The following NEBL variants were observed in gnomAD, a reference collection of about 807,000 sequenced individuals.
NEBL encodes LIM and SH3 protein 2.
Under a neutral mutation model 140.2 loss-of-function variants are expected in NEBL, and 122 were observed. The ratio of observed to expected loss-of-function variants is 0.87; its 90% CI spans 0.75 to 1.01. The LOEUF is 1.01. Among genes scored for constraint, NEBL ranks in the 50% least tolerant of loss-of-function variants. The probability of loss-of-function intolerance (pLI) is 0.00; values close to 1 mark genes in which losing one functional copy is unlikely to be tolerated. For missense variants in NEBL, 1,365 were observed against 1,231.3 expected (o/e 1.11, Z -1.62); for synonymous variants, 436 against 398.9 (o/e 1.09, Z -1.11).
Position 20,785,624 on chromosome 10 carries a change from T to A in NEBL, c.*123A>T. 8.8e-7 allele frequency: 1 copy of A among 1,140,926 alleles called. No homozygotes were observed. Among genetic ancestry groups the A allele is most frequent in the East Asian group, 2.6e-5 (1 of 38,928 alleles). 70.7% of individuals were successfully genotyped at this position (1,140,926 alleles called of 1,614,324 possible). ...TCTTCCTGGTACCTGTGTGTCTAAT[T>A]GTCAAAGGAAGGATACATCATTGTA... On this transcript the variant is annotated 3_prime_UTR_variant, in exon 28 of 28. Coordinates refer to ENST00000377122, the MANE Select transcript of NEBL (RefSeq NM_006393.3).
chr10:21,057,275 T>A (rs954353037), intron 2 of NEBL, among the ~76,000 whole-genome samples: 10 of 152,134 alleles, frequency 6.6e-5, no homozygotes, highest in Non-Finnish European at 1.3e-4. Flanking sequence ...GCTCTTTGAC[T>A]TTTGGCGGTA....
intron 4 of NEBL, among the ~76,000 whole-genome samples, chr10:20,953,506 ATTTTTTTT>A (rs146415247): frequency 1.7e-5 from 2 of 119,804 alleles, no homozygotes; most frequent in Non-Finnish European, 3.4e-5. Context: ...ACAAGCCCTA[ATTTTTTTT>A]TTTTTTTTTT....
rs918391194 is a variant in NEBL at position 20,933,184 on chromosome 10, A to G, written c.357+28488T>C. Among the ~76,000 whole-genome samples the G allele has an allele frequency of 7.9e-5, 12 of 152,204 alleles. 1 individual carries two copies. The highest frequency in any genetic ancestry group is 2.9e-4 in the African/African-American group (12 of 41,456). The stretch of plus-strand genomic sequence containing the variant: ...GAAGCCTTTAGATTACTTATGGTTC[A>G]CCATTTGCATCAGTCCCTCCTGACC... On this transcript the variant is annotated intron_variant, in intron 4 of 6. Transcript: ENST00000417816.
chr10:21,215,693 C>T (rs2042182092), intron 3 of NEBL, among the ~76,000 whole-genome samples: 1 of 152,140 alleles, frequency 6.6e-6, no homozygotes, highest in South Asian at 2.1e-4. Context: ...CAGGGTCTTA[C>T]TCTGTCATCC....
At chr10:20,849,426 A>G (rs1208679695) in intron 11 of NEBL, among the ~76,000 whole-genome samples, 1 of 152,066 alleles carries the variant, frequency 6.6e-6, no homozygotes, top group Non-Finnish European at 1.5e-5. Flanking sequence ...TTCATCCCCA[A>G]CGCAACACTG....
rs779610815 is a variant in NEBL at position 21,126,059 on chromosome 10, T to A, written c.164+46324A>T. On this transcript the variant is annotated intron_variant, in intron 2 of 6. Transcript: ENST00000417816. ...GTTGGCCAGCTTTGCAGCCTTCTGG[T>A]CTCCCCAACCAGCTTCCTGGGAGGC... 1.9e-6 allele frequency: 3 copies of A among 1,614,102 alleles called. No individual in the cohort carries two copies. In the South Asian group the frequency reaches 3.3e-5, roughly 18 times the overall value.
intron 26 of NEBL, among the ~76,000 whole-genome samples, chr10:20,793,801 C>T (rs1428762723): frequency 6.6e-6 from 1 of 152,186 alleles, no homozygotes. Context: ...AGCCATCCAT[C>T]CACCTTGGCC....
Position 20,808,524 on chromosome 10 carries a change from G to C in NEBL, c.2747C>G (p.Pro916Arg), listed in dbSNP as rs143149169. Residue 916 changes from proline (P) to arginine (R), a missense_variant, in exon 26 of 28, where the codon CCG becomes CGG. Coordinates refer to ENST00000377122, the MANE Select transcript of NEBL (RefSeq NM_006393.3). ...ATGTTTGATACCTCCTTCATCAGAC[G>C]GTCTTGTTACCTCACTGCAGCATGA... is the stretch of plus-strand genomic sequence containing the variant. ...SFSCCSEVTR[P>R]SDEGAPVLPG... The C allele has an allele frequency of 6.2e-6, 10 of 1,613,630 alleles. No individual in the cohort carries two copies. Among genetic ancestry groups the C allele is most frequent in the South Asian group, 4.4e-5 (4 of 91,076 alleles).
intron 2 of NEBL, among the ~76,000 whole-genome samples, chr10:21,142,780 T>G (rs1052621663): frequency 3.4e-4 from 51 of 152,094 alleles, no homozygotes; most frequent in African/African-American, 1.2e-3. Flanking sequence ...GAACTGCGCG[T>G]GTGAGGGATC....
intron 2 of NEBL, among the ~76,000 whole-genome samples, chr10:21,115,523 A>G (rs1838243690): frequency 6.6e-6 from 1 of 151,770 alleles, no homozygotes; most frequent in South Asian, 2.1e-4. Flanking sequence ...TTTGTATGGA[A>G]GTCTAGGTGA....
intron 4 of NEBL, among the ~76,000 whole-genome samples, chr10:20,882,956 C>T (rs896298000): frequency 6.6e-6 from 1 of 152,178 alleles, no homozygotes; most frequent in Non-Finnish European, 1.5e-5. Flanking sequence ...GAGCCTATTT[C>T]ATGAGACAGA....
chr10:21,265,591 A>G (rs1288864004), intron 1 of NEBL, among the ~76,000 whole-genome samples: 1 of 152,214 alleles, frequency 6.6e-6, no homozygotes, highest in Non-Finnish European at 1.5e-5. Context: ...AGAAGAGAGG[A>G]GAAGTGAAAC....
chr10:21,080,966 T>G (rs748812301), intron 2 of NEBL, among the ~76,000 whole-genome samples: 1 of 152,168 alleles, frequency 6.6e-6, no homozygotes, highest in Non-Finnish European at 1.5e-5. Context: ...GCCATTCTCC[T>G]GCCTCAGCCT....
intron 3 of NEBL, among the ~76,000 whole-genome samples, chr10:21,241,281 T>TAAATAA (rs1304458526): frequency 8.7e-5 from 13 of 148,814 alleles, no homozygotes; most frequent in African/African-American, 3.3e-4. Context: ...AATAAATAAA[T>TAAATAA]AAATAAAAAT....
At chr10:21,153,739 C>T (rs546886931) in intron 2 of NEBL, among the ~76,000 whole-genome samples, 5 of 152,202 alleles carry the variant, frequency 3.3e-5, no homozygotes, top group Non-Finnish European at 7.4e-5. Flanking sequence ...TGGTCTCGAA[C>T]TCCTGACCTC....
intron 2 of NEBL, among the ~76,000 whole-genome samples, chr10:21,039,350 T>C (rs1834160090): frequency 6.6e-6 from 1 of 152,186 alleles, no homozygotes; most frequent in Non-Finnish European, 1.5e-5. Context: ...AGGGTTTTTA[T>C]GGTTTTGGGT....
intron 3 of NEBL, among the ~76,000 whole-genome samples, chr10:21,184,774 G>C (rs1165605149): frequency 2.0e-5 from 3 of 152,160 alleles, no homozygotes; most frequent in African/African-American, 4.8e-5. Flanking sequence ...CTGATACTTT[G>C]TTAAGCGAAA....
At chr10:20,937,913 G>A (rs915490158) in intron 4 of NEBL, among the ~76,000 whole-genome samples, 6 of 152,192 alleles carry the variant, frequency 3.9e-5, no homozygotes, top group African/African-American at 1.4e-4. Flanking sequence ...CCATTGCCCA[G>A]GCTTGAGTAG....
chr10:21,266,636 C>G (rs1357461952), intron 1 of NEBL, among the ~76,000 whole-genome samples: 5 of 152,244 alleles, frequency 3.3e-5, no homozygotes, highest in African/African-American at 1.2e-4. Flanking sequence ...CGTGGATCCA[C>G]ACGGTGCTCC....
Sources: gnomAD v4.1 joint callset for allele counts (sites outside exome capture counted in the v4.1 genomes callset) on GRCh38, gnomAD v4.1.1 for gene constraint, MANE v1.5 for transcripts, NCBI Gene and HGNC (gene_info 2026-07-23, HGNC 2026-07-21) for gene names.